Variants in GAS7 observed in about 807,000 individuals in gnomAD.
GAS7 encodes growth arrest-specific protein 7.
In GAS7, 28 loss-of-function variants were observed where a neutral mutation model predicts 71.1. That is an observed-to-expected ratio of 0.39 (90% CI 0.29 to 0.54). GAS7 has a LOEUF of 0.54. Ranked by LOEUF, GAS7 falls within the 20% of genes least tolerant of loss-of-function variation. The pLI, the probability that GAS7 is intolerant of heterozygous loss-of-function variation, is 0.62. For missense variants in GAS7, 436 were observed against 627.8 expected, an observed-to-expected ratio of 0.69 and a Z score of 3.27; for synonymous variants, 258 against 245.8, an observed-to-expected ratio of 1.05 and a Z score of -0.46.
intron 1 of GAS7, among the ~76,000 whole-genome samples, chr17:10,105,888 C>T (rs4791926): frequency 0.19 from 29,239 of 152,090 alleles, 3,036 homozygotes; most frequent in Admixed American, 0.27. Context: ...TGCATCTGCC[C>T]GATGACTCTG....
intron 1 of GAS7, chr17:10,039,613 G>A (rs1292307345): frequency 5.6e-6 from 2 of 357,178 alleles, no homozygotes; most frequent in Admixed American, 6.9e-5. Context: ...AACCCGGGAG[G>A]CAGAGGTTGT....
chr17:10,181,921 A>C (rs9897300), intron 1 of GAS7, among the ~76,000 whole-genome samples: 1 of 151,950 alleles, frequency 6.6e-6, no homozygotes, highest in African/African-American at 2.4e-5. Flanking sequence ...ACACATTGGC[A>C]TGCTAAATGA....
intron 2 of GAS7, among the ~76,000 whole-genome samples, chr17:10,005,162 TGC>T (rs1295260386): frequency 1.3e-5 from 1 of 74,716 alleles, no homozygotes; most frequent in Non-Finnish European, 4.1e-5. Context: ...TGCATGTGTG[TGC>T]GCACGCATGC....
Position 10,026,357 on chromosome 17 carries a change from A to C in GAS7, c.184-6460T>G. The C allele has an allele frequency of 1.5e-5, 13 of 894,420 alleles. No individual in the cohort carries two copies. The highest frequency in any genetic ancestry group is 1.6e-5 in the Non-Finnish European group (12 of 746,710). 55.4% of individuals were successfully genotyped at this position (894,420 alleles called of 1,614,324 possible). A position where few individuals can be genotyped will look rare whatever the true frequency, so the allele number is the denominator to read the frequency against. On this transcript the variant is annotated intron_variant, in intron 1 of 13. Transcript: ENST00000432992. The surrounding 1 kb of genome is among the most constrained non-coding windows in gnomAD (Gnocchi z 4.5). ...CCCCCCACACCCAGATCTATATATA[A>C]CAGCTCTGAAGTTGTCAGCCTAACG...
At chr17:9,996,173 TC>T (rs1421111778) in intron 2 of GAS7, among the ~76,000 whole-genome samples, 3 of 152,034 alleles carry the variant, frequency 2.0e-5, no homozygotes, top group African/African-American at 7.2e-5. Flanking sequence ...TGGAACCAAG[TC>T]AAATGTCCAA....
chr17:9,953,312 C>T (rs1245824852), intron 5 of GAS7, among the ~76,000 whole-genome samples: 1 of 152,142 alleles, frequency 6.6e-6, no homozygotes, highest in African/African-American at 2.4e-5. Context: ...ACTCATCACC[C>T]TGCTGCTTCT....
intron 3 of GAS7, among the ~76,000 whole-genome samples, chr17:9,976,723 T>C (rs1379251573): frequency 6.6e-6 from 1 of 152,226 alleles, no homozygotes; most frequent in Non-Finnish European, 1.5e-5. Flanking sequence ...GCCCCAAGGC[T>C]GAGCAAAGCC....
At position 10,049,609 on chromosome 17, in the gene GAS7, CTTTTTT is replaced by C. The variant is rs1168627510; in HGVS notation, c.184-29718_184-29713del. Reference sequence around the variant, plus strand: ...TTTAAAACGTGTTTTGAAATTACTTCTTTTTTTTTTTTTTTTTTTTTTTTTTTTTGA... The same window carrying C: ...TTTAAAACGTGTTTTGAAATTACTTCTTTTTTTTTTTTTTTTTTTTTTTGA... On this transcript the variant is annotated intron_variant, in intron 1 of 13. Transcript: ENST00000432992. Among the ~76,000 whole-genome samples the C allele has an allele frequency of 2.4e-3, 168 of 70,394 alleles. 4 individuals are homozygous for C. Among genetic ancestry groups the C allele is most frequent in the African/African-American group, 7.9e-3 (155 of 19,578 alleles). 46.2% of individuals were successfully genotyped at this position (70,394 alleles called of 152,430 possible). A position where few individuals can be genotyped will look rare whatever the true frequency, so the allele number is the denominator to read the frequency against.
chr17:10,040,384 G>A (rs377588752), intron 1 of GAS7, among the ~76,000 whole-genome samples: 1 of 152,286 alleles, frequency 6.6e-6, no homozygotes, highest in East Asian at 1.9e-4. Flanking sequence ...TCAGATCATG[G>A]GAGGCCATGA....
chr17:10,067,558 C>T (rs2073294987), intron 1 of GAS7, among the ~76,000 whole-genome samples: 2 of 152,136 alleles, frequency 1.3e-5, no homozygotes, highest in South Asian at 4.1e-4. Flanking sequence ...CATTTCTGAG[C>T]TTACCTCAGC....
intron 4 of GAS7, among the ~76,000 whole-genome samples, chr17:9,961,177 G>A (rs1331368343): frequency 6.6e-6 from 1 of 152,142 alleles, no homozygotes; most frequent in African/African-American, 2.4e-5. Context: ...TGACCCCAAC[G>A]GGCTCCTGGC....
intron 1 of GAS7, among the ~76,000 whole-genome samples, chr17:10,190,174 C>T (rs1382394092): frequency 6.6e-6 from 1 of 152,212 alleles, no homozygotes; most frequent in African/African-American, 2.4e-5. Context: ...TGGCGCACTA[C>T]AGATCACACC....
chr17:10,030,349 C>G (rs993706967), intron 1 of GAS7, among the ~76,000 whole-genome samples: 3 of 152,224 alleles, frequency 2.0e-5, no homozygotes, highest in African/African-American at 7.2e-5. Context: ...ATCTGAAACA[C>G]CTGTTTGGCT....
chr17:10,036,750 A>G, intron 1 of GAS7: 1 of 1,218,806 alleles, frequency 8.2e-7, no homozygotes, highest in Non-Finnish European at 1.0e-6. Flanking sequence ...ATGTTTCTGG[A>G]GGCCTTTCTT....
chr17:10,169,619 C>T (rs1421683246), intron 1 of GAS7, among the ~76,000 whole-genome samples: 5 of 152,094 alleles, frequency 3.3e-5, no homozygotes, highest in Admixed American at 1.3e-4. Context: ...CCTGGTTTTC[C>T]GCCCACTCTT....
At chr17:10,084,926 C>T (rs765901103) in intron 1 of GAS7, among the ~76,000 whole-genome samples, 6 of 152,124 alleles carry the variant, frequency 3.9e-5, no homozygotes, top group African/African-American at 1.4e-4. Context: ...GGTGTGTGAC[C>T]GATGGCCCCC....
chr17:10,093,575 C>G (rs1429380151), intron 1 of GAS7, among the ~76,000 whole-genome samples: 2 of 97,652 alleles, frequency 2.0e-5, no homozygotes, highest in East Asian at 2.4e-4. Flanking sequence ...AAAAAAAAAG[C>G]TGAAAAGCTT....
intron 1 of GAS7, among the ~76,000 whole-genome samples, chr17:10,185,986 C>T (rs936079913): frequency 6.9e-6 from 1 of 144,874 alleles, no homozygotes; most frequent in Non-Finnish European, 1.5e-5. Context: ...GACGGAGTCT[C>T]GCTCTGACAC....
Position 10,020,806 on chromosome 17 carries a change from G to A in GAS7, c.184-909C>T, listed in dbSNP as rs190024278. Among the ~76,000 whole-genome samples the A allele has an allele frequency of 4.6e-5, 7 of 152,218 alleles. No individual in the cohort carries two copies. The East Asian group carries it at 5.8e-4, about 13-fold the overall frequency. Reference sequence around the variant, plus strand: ...TGTGCGCCTGTAGTCCTAGCTACTCGGGAGGCTGAGGCAAGAGAATTGCTT... The same window carrying A: ...TGTGCGCCTGTAGTCCTAGCTACTCAGGAGGCTGAGGCAAGAGAATTGCTT... On this transcript the variant is annotated intron_variant, in intron 1 of 13. Transcript: ENST00000432992.
Sources: gnomAD v4.1 joint callset for allele counts (sites outside exome capture counted in the v4.1 genomes callset) on GRCh38, gnomAD v4.1.1 for gene constraint, Gnocchi (gnomAD v3.1) non-coding constraint, MANE v1.5 for transcripts, NCBI Gene and HGNC (gene_info 2026-07-23, HGNC 2026-07-21) for gene names.